TMF1: variants seen among roughly 807,000 people sequenced by gnomAD.
TMF1 encodes TATA element modulatory factor 1.
In TMF1, 71 loss-of-function variants were observed where a neutral mutation model predicts 126.5. The observed-to-expected ratio is 0.56, with a 90% CI of 0.46 to 0.68. TMF1 has a LOEUF of 0.68. TMF1 is among the 30% of genes least tolerant of loss of function. The probability of loss-of-function intolerance (pLI) is 0.00; values close to 1 mark genes in which losing one functional copy is unlikely to be tolerated. For synonymous variants in TMF1, 461 were observed against 430.5 expected (o/e 1.07, Z -0.88); for missense variants, 1,259 against 1,253.2 (o/e 1.00, Z -0.07).
chr3:69,032,095 T>G lies in TMF1; in HGVS notation c.2401+1453A>C, dbSNP rs138887838. ...TGAATCTTTTTCTAGACCAAATCTT[T>G]CATGGAACTCCAATTAAAAAAAGAT... On this transcript the variant is annotated intron_variant, in intron 10 of 16. Coordinates refer to ENST00000398559, the MANE Select transcript of TMF1 (RefSeq NM_007114.3). Among the ~76,000 whole-genome samples the G allele has an allele frequency of 1.6e-3, 241 of 152,278 alleles. 1 individual carries two copies. Among genetic ancestry groups the G allele is most frequent in the African/African-American group, 5.4e-3 (225 of 41,554 alleles).
intron 15 of TMF1, 33 bp downstream of exon 15, chr3:69,025,527 T>A (rs1410095876): frequency 1.3e-6 from 2 of 1,580,810 alleles, no homozygotes; most frequent in Admixed American, 3.6e-5. Context: ...AAAACTTCAT[T>A]TACTTCTATA....
In TMF1 at chr3:69,026,093, C is replaced by T. The variant is rs1559628559; in HGVS notation, c.2762G>A (p.Arg921His). 2.5e-6 allele frequency: 4 copies of T among 1,612,782 alleles called. No homozygotes were observed. Among genetic ancestry groups the T allele is most frequent in the East Asian group, 2.2e-5 (1 of 44,840 alleles). Residue 921 changes from arginine (R) to histidine (H), a missense_variant, in exon 14 of 17, where the codon CGC becomes CAC. Transcript: ENST00000398559. Reference protein sequence around the residue: ...FTQETIKEKERKPFSVSSTPT... With the variant: ...FTQETIKEKEHKPFSVSSTPT... ...AGTGCTAGAAACAGAAAATGGCTTG[C>T]GTTCCTTAGGGAGTAAAAAAAATTC...
intron 11 of TMF1, among the ~76,000 whole-genome samples, chr3:69,028,913 C>T (rs1404650735): frequency 6.6e-6 from 1 of 152,146 alleles, no homozygotes; most frequent in South Asian, 2.1e-4. Context: ...TTTAAAAAAT[C>T]TGATTAAAGG....
rs186746018 is a variant in TMF1 at position 69,023,848 on chromosome 3, C to T, written c.3138+207G>A. 2.4e-3 allele frequency among the ~76,000 whole-genome samples: 366 copies of T among 152,168 alleles called. 1 individual carries two copies. Among genetic ancestry groups the T allele is most frequent in the Non-Finnish European group, 3.4e-3 (229 of 67,944 alleles). On this transcript the variant is annotated intron_variant, in intron 16 of 16. Coordinates refer to ENST00000398559, the MANE Select transcript of TMF1 (RefSeq NM_007114.3). ...AATGAAATCTAGTTCTTTTCCTATA[C>T]TGGGACTAAACATGATTGTGAAAAT...
In TMF1 at chr3:69,038,972, C is replaced by T; in HGVS notation, c.1865G>A (p.Arg622Lys). 1 of 1,606,586 alleles carries T rather than the reference C, an allele frequency of 6.2e-7. No homozygotes were observed. The highest frequency in any genetic ancestry group is 8.5e-7 in the Non-Finnish European group (1 of 1,177,210). The change falls in exon 7 of 17, where the codon AGA becomes AAA. Residue 622 changes from arginine (R) to lysine (K), a missense_variant. Physicochemically the swap from Arg to Lys is conservative, Grantham distance 26 (BLOSUM62 2). Coordinates refer to ENST00000398559, the MANE Select transcript of TMF1 (RefSeq NM_007114.3). ...GGAATTTAGTTTTTTAATATTTTCT[C>T]TATGTTGTTTCTCAACCTCTTCTTT... is the stretch of plus-strand genomic sequence containing the variant. Reference protein sequence around the residue: ...DGKEEVEKQHRENIKKLNSMV... With the variant: ...DGKEEVEKQHKENIKKLNSMV...
At chr3:69,041,761 T>TTA (rs1277186591) in intron 5 of TMF1, among the ~76,000 whole-genome samples, 1 of 152,102 alleles carries the variant, frequency 6.6e-6, no homozygotes, top group East Asian at 1.9e-4. Flanking sequence ...CTAGAAAAAA[T>TTA]TAATAGTTCC....
chr3:69,043,899 G>C (rs1225624696), intron 3 of TMF1, 23 bp from the exon 4 acceptor site: 5 of 1,582,744 alleles, frequency 3.2e-6, no homozygotes, highest in Non-Finnish European at 4.3e-6. Context: ...TAATATTTGA[G>C]AATGAGGATG....
rs570544698 is a variant in TMF1 at position 69,028,238 on chromosome 3, C to T, written c.2652G>A (p.Thr884=). ...CGAAGAGAAATACCTTTTCTTTCCT[C>T]GTCTCTTCAAGTGTTCTTACATATT... The part of the protein sequence containing the change: ...KDEYVRTLEE[T]RKEKTLLNSQ... Residue 884 remains threonine, a synonymous_variant, in exon 12 of 17, where the codon ACG becomes ACA. Coordinates refer to ENST00000398559, the MANE Select transcript of TMF1 (RefSeq NM_007114.3). 9 of 1,612,692 alleles carry T rather than the reference C, an allele frequency of 5.6e-6. No individual in the cohort carries two copies. The African/African-American group carries it at 6.7e-5, about 12-fold the overall frequency.
At position 69,047,952 on chromosome 3, in the gene TMF1, T is replaced by A; in HGVS notation, c.753A>T (p.Ser251=). The A allele has an allele frequency of 6.2e-7, 1 of 1,613,914 alleles. No individual in the cohort carries two copies. The highest frequency in any genetic ancestry group is 8.5e-7 in the Non-Finnish European group (1 of 1,180,040). Residue 251 remains serine, a synonymous_variant, in exon 2 of 17, where the codon TCA becomes TCT. Transcript: ENST00000398559. ...TPSPPVSTFS[S]GTSTTSDIEV... Reference sequence around the variant, plus strand: ...CAATATCACTGGTGGTAGAAGTACCTGATGAAAAGGTACTAACAGGAGGAG... The same window carrying A: ...CAATATCACTGGTGGTAGAAGTACCAGATGAAAAGGTACTAACAGGAGGAG...
chr3:69,020,808 A>G lies in TMF1; in HGVS notation c.*2369T>C, dbSNP rs2091725156. 6.6e-6 allele frequency: 1 copy of G among 152,208 alleles called. No individual in the cohort carries two copies. Among genetic ancestry groups the G allele is most frequent in the African/African-American group, 2.4e-5 (1 of 41,462 alleles). The allele number at this position is 152,208 out of a possible 1,614,324, so 9.4% of individuals were successfully genotyped here. On this transcript the variant is annotated 3_prime_UTR_variant, in exon 17 of 17. Transcript: ENST00000398559. ...ATATGTAACTAGAAACTATGTAACTAGAAATTGTTAATACGGATAAAAAAA... is the reference window on the plus strand; with the variant it reads ...ATATGTAACTAGAAACTATGTAACTGGAAATTGTTAATACGGATAAAAAAA...
chr3:69,022,473 T>A lies in TMF1; in HGVS notation c.*704A>T, dbSNP rs909789112. The A allele has an allele frequency of 6.6e-6, 1 of 152,588 alleles. No individual in the cohort carries two copies. The highest frequency in any genetic ancestry group is 1.5e-5 in the Non-Finnish European group (1 of 67,972). 9.5% of individuals were successfully genotyped at this position (152,588 alleles called of 1,614,324 possible). On this transcript the variant is annotated 3_prime_UTR_variant, in exon 17 of 17. Coordinates refer to ENST00000398559, the MANE Select transcript of TMF1 (RefSeq NM_007114.3). ...ATTATCCAATCACATCTAGATAACA[T>A]TGAATATGTACAGGTTTCTCTGGAT...
chr3:69,027,923 T>C lies in TMF1; in HGVS notation c.2734A>G (p.Thr912Ala). ...VEQERKKAIF[T>A]QETIKEKERK... Reference sequence around the variant, plus strand: ...ACCTTTTCTTTTATTGTTTCTTGAGTAAAAATGGCTTTCTTCCTTTCTTGT... The same window carrying C: ...ACCTTTTCTTTTATTGTTTCTTGAGCAAAAATGGCTTTCTTCCTTTCTTGT... The change falls in exon 13 of 17, where the codon ACT (threonine) becomes GCT (alanine). Residue 912 changes from threonine (T) to alanine (A), a missense_variant. By Grantham distance (58) the Thr-to-Ala change is moderately conservative. Coordinates refer to ENST00000398559, the MANE Select transcript of TMF1 (RefSeq NM_007114.3). 4 of 1,581,248 alleles carry C rather than the reference T, an allele frequency of 2.5e-6. No individual in the cohort carries two copies. Among genetic ancestry groups the C allele is most frequent in the African/African-American group, 1.3e-5 (1 of 74,184 alleles).
Position 69,023,252 on chromosome 3 carries a change from A to C in TMF1, c.3207T>G (p.Leu1069=), listed in dbSNP as rs1243760917. ...TTTTTACATCTTCGAGATCTAATCG[A>C]AGTTCTTCTGCCTCTTCTGCTTTTT... The part of the protein sequence containing the change: ...YGEKAEEAEE[L]RLDLEDVKNM... The change falls in exon 17 of 17, where the codon CTT becomes CTG. Residue 1069 remains leucine, a synonymous_variant. Coordinates refer to ENST00000398559, the MANE Select transcript of TMF1 (RefSeq NM_007114.3). 1.2e-6 allele frequency: 2 copies of C among 1,612,096 alleles called. No individual in the cohort carries two copies. The highest frequency in any genetic ancestry group is 1.7e-6 in the Non-Finnish European group (2 of 1,178,712).
At chr3:69,027,795 T>A (rs975880089) in intron 13 of TMF1, 105 bp downstream of exon 13, 10 of 587,788 alleles carry the variant, frequency 1.7e-5, no homozygotes, top group African/African-American at 3.9e-5. Flanking sequence ...GGGCCACAGG[T>A]TGGACAAGCT....
chr3:69,028,304 C>T lies in TMF1; in HGVS notation c.2595-9G>A. 6.3e-7 allele frequency: 1 copy of T among 1,597,104 alleles called. No individual in the cohort carries two copies. Among genetic ancestry groups the T allele is most frequent in the Non-Finnish European group, 8.6e-7 (1 of 1,166,084 alleles). On this transcript the variant is annotated splice_polypyrimidine_tract_variant and intron_variant, in intron 11 of 16. Transcript: ENST00000398559. ...CCAATTCAACCTGGTACCTATTAAA[C>T]AAGGCAGAATTTAAAAAAACAGAAA... is the stretch of plus-strand genomic sequence containing the variant.
chr3:69,050,560 C>CT (rs1164839997), intron 1 of TMF1, among the ~76,000 whole-genome samples: 1 of 152,160 alleles, frequency 6.6e-6, no homozygotes, highest in Non-Finnish European at 1.5e-5. Flanking sequence ...ATTCTGAAGA[C>CT]TATGGGCATT....
chr3:69,039,311 G>A (rs116829898), intron 6 of TMF1, among the ~76,000 whole-genome samples: 2,776 of 152,168 alleles, frequency 0.018, 88 homozygotes, highest in African/African-American at 0.064. Context: ...CTTGTTGACC[G>A]GGCTGATCTC....
At chr3:69,034,888 C>T (rs887996799) in intron 9 of TMF1, 135 bp downstream of exon 9, 9 of 748,808 alleles carry the variant, frequency 1.2e-5, no homozygotes, top group South Asian at 1.7e-5. Context: ...TTCACACAAG[C>T]CACAAAAATT....
chr3:69,025,756 G>A, intron 14 of TMF1, 44 bp from the exon 15 acceptor site: 2 of 1,575,504 alleles, frequency 1.3e-6, no homozygotes, highest in East Asian at 2.3e-5. Flanking sequence ...AGTTATCATA[G>A]CTTGTCTTCC....
Sources: allele counts gnomAD v4.1 joint callset (sites outside exome capture counted in the v4.1 genomes callset), GRCh38; gene constraint gnomAD v4.1.1; transcripts MANE v1.5; gene names NCBI Gene and HGNC (gene_info 2026-07-23, HGNC 2026-07-21).